The following PACS1 variants were observed in gnomAD, a reference collection of about 807,000 sequenced individuals.
The protein encoded by PACS1 is PACS-1.
PACS1 carries 24 observed loss-of-function variants against 115.0 expected under a neutral mutation model. The ratio of observed to expected loss-of-function variants is 0.21; its 90% CI spans 0.15 to 0.29. The LOEUF (loss-of-function observed/expected upper bound fraction) is 0.29. Among genes scored for constraint, PACS1 ranks in the 10% least tolerant of loss-of-function variants. The pLI, the probability that PACS1 is intolerant of heterozygous loss-of-function variation, is 1.00. For missense variants in PACS1, 838 were observed against 1,251.2 expected (o/e 0.67, Z 4.98); for synonymous variants, 453 against 504.5 (o/e 0.90, Z 1.37).
At chr11:66,241,749 G>T in intron 22 of PACS1, 96 bp downstream of exon 22, 2 of 1,012,990 alleles carry the variant, frequency 2.0e-6, no homozygotes, top group East Asian at 2.5e-5. Flanking sequence ...GGATATTTGG[G>T]ATGAAGAAGC....
chr11:66,232,583 C>T (rs565061652), intron 14 of PACS1, among the ~76,000 whole-genome samples: 77 of 152,296 alleles, frequency 5.1e-4, no homozygotes, highest in East Asian at 1.5e-3. Flanking sequence ...CATAGTGGAA[C>T]GGAGGCCTGT....
Position 66,216,702 on chromosome 11 carries a change from T to C in PACS1, c.905T>C (p.Phe302Ser). The C allele has an allele frequency of 6.2e-7, 1 of 1,613,908 alleles. No individual in the cohort carries two copies. ...SDDPLHGQDL[F>S]YEDEDLRKVK... Reference sequence around the variant, plus strand: ...GTCCCTGTACCCACTTAGGACTTGTTCTACGAAGACGAAGATCTCCGGAAA... The same window carrying C: ...GTCCCTGTACCCACTTAGGACTTGTCCTACGAAGACGAAGATCTCCGGAAA... The change falls in exon 7 of 24, where the codon TTC (phenylalanine) becomes TCC (serine). Residue 302 changes from phenylalanine (F) to serine (S), a missense_variant. Physicochemically the swap from Phe to Ser is radical, Grantham distance 155 (BLOSUM62 -2). This residue lies in a region of PACS1 where 223 missense variants were observed against 354.0 expected (regional missense o/e 0.63). Coordinates refer to ENST00000320580, the MANE Select transcript of PACS1 (RefSeq NM_018026.4).
chr11:66,167,742 TC>T (rs1363310733), intron 1 of PACS1, among the ~76,000 whole-genome samples: 2 of 150,144 alleles, frequency 1.3e-5, no homozygotes, highest in Non-Finnish European at 2.9e-5. Context: ...TTTTTGCATT[TC>T]ATAGTTTATT....
At chr11:66,214,971 G>A (rs895119397) in intron 4 of PACS1, among the ~76,000 whole-genome samples, 20 of 148,986 alleles carry the variant, frequency 1.3e-4, no homozygotes, top group Non-Finnish European at 3.0e-5. Context: ...GTTGCTCTGT[G>A]ACCCAGGCTG....
chr11:66,080,743 T>C (rs1231747045), intron 1 of PACS1, among the ~76,000 whole-genome samples: 1 of 152,202 alleles, frequency 6.6e-6, no homozygotes, highest in East Asian at 1.9e-4. Context: ...TAATATTTAA[T>C]GCCTTATTCT....
chr11:66,080,549 C>T (rs1009104607), intron 1 of PACS1, among the ~76,000 whole-genome samples: 5 of 152,086 alleles, frequency 3.3e-5, no homozygotes, highest in African/African-American at 7.2e-5. Flanking sequence ...CCAGGTGCTA[C>T]GATCCCTTTT....
At chr11:66,200,584 A>C (rs1854765881) in intron 2 of PACS1, among the ~76,000 whole-genome samples, 1 of 152,192 alleles carries the variant, frequency 6.6e-6, no homozygotes, top group African/African-American at 2.4e-5. Context: ...AAAGGGGTCA[A>C]CTCAGCAAGA....
chr11:66,215,092 C>G (rs999089092), intron 4 of PACS1, among the ~76,000 whole-genome samples: 1 of 151,998 alleles, frequency 6.6e-6, no homozygotes, highest in Non-Finnish European at 1.5e-5. Flanking sequence ...ACCACCACAC[C>G]TGGCTAATTT....
chr11:66,102,729 G>C (rs1353255521), intron 1 of PACS1, among the ~76,000 whole-genome samples: 1 of 152,136 alleles, frequency 6.6e-6, no homozygotes, highest in Non-Finnish European at 1.5e-5. Flanking sequence ...TGCCCCACTG[G>C]CTGTAGGAAA....
chr11:66,230,492 C>T (rs1590836851), intron 11 of PACS1, 56 bp from the exon 12 acceptor site: 2 of 1,226,628 alleles, frequency 1.6e-6, no homozygotes, highest in East Asian at 2.3e-5. Context: ...CAAGGAGGCT[C>T]CTGGGTGGTC....
intron 21 of PACS1, 181 bp from the exon 22 acceptor site, chr11:66,241,246 G>C (rs1304058374): frequency 2.9e-5 from 16 of 550,592 alleles, no homozygotes; most frequent in Non-Finnish European, 4.9e-5. Context: ...CCCCAGCTTT[G>C]TTCTCAGATC....
At chr11:66,189,211 C>A (rs1854460627) in intron 1 of PACS1, among the ~76,000 whole-genome samples, 1 of 152,104 alleles carries the variant, frequency 6.6e-6, no homozygotes, top group Non-Finnish European at 1.5e-5. Context: ...TTGAGTCATG[C>A]CATTGAAAAC....
intron 1 of PACS1, among the ~76,000 whole-genome samples, chr11:66,177,754 C>T (rs1422016166): frequency 3.9e-5 from 6 of 152,000 alleles, no homozygotes; most frequent in Admixed American, 3.9e-4. Flanking sequence ...GGGCCCACAG[C>T]TCTCACACCA....
At chr11:66,241,396 C>T (rs753090646) in intron 21 of PACS1, 31 bp from the exon 22 acceptor site, 47 of 1,523,488 alleles carry the variant, frequency 3.1e-5, no homozygotes, top group Non-Finnish European at 4.0e-5. Context: ...GAAGGCAGAG[C>T]TGACCTCTCC....
chr11:66,170,617 C>A (rs184111442), intron 1 of PACS1, among the ~76,000 whole-genome samples: 6 of 149,610 alleles, frequency 4.0e-5, no homozygotes, highest in Admixed American at 4.0e-4. Context: ...AAAAGTAGTT[C>A]TCATATTACT....
chr11:66,148,093 G>C (rs111979208), intron 1 of PACS1, among the ~76,000 whole-genome samples: 1 of 152,004 alleles, frequency 6.6e-6, no homozygotes, highest in African/African-American at 2.4e-5. Flanking sequence ...AGTGTAATTG[G>C]CATAATCCTT....
At chr11:66,096,209 C>CTTT (rs66569530) in intron 1 of PACS1, among the ~76,000 whole-genome samples, 181 of 119,340 alleles carry the variant, frequency 1.5e-3, no homozygotes, top group East Asian at 4.9e-3. Flanking sequence ...CTTTTTCTTT[C>CTTT]TTTTTTTTTT....
chr11:66,138,904 A>AT (rs1258882413), intron 1 of PACS1, among the ~76,000 whole-genome samples: 3 of 151,900 alleles, frequency 2.0e-5, no homozygotes, highest in Non-Finnish European at 4.4e-5. Flanking sequence ...GATGGTCTCG[A>AT]TATCTTGACC....
rs567221875 is a variant in PACS1, at chr11:66,081,958, T to C, written c.356+11116T>C. Among the ~76,000 whole-genome samples, 3 of 152,380 alleles carry C rather than the reference T, an allele frequency of 2.0e-5. No individual in the cohort carries two copies. The South Asian group carries it at 6.2e-4, about 32-fold the overall frequency. On this transcript the variant is annotated intron_variant, in intron 1 of 23. Coordinates refer to ENST00000320580, the MANE Select transcript of PACS1 (RefSeq NM_018026.4). ...CAGGAGAAACCTGATAATACATTTG[T>C]GGTCTCTCCTGAAACATGTAGATCT...
Sources: gnomAD v4.1 joint callset for allele counts (sites outside exome capture counted in the v4.1 genomes callset) on GRCh38, gnomAD v4.1.1 for gene constraint, gnomAD v4.1.1 regional missense constraint, MANE v1.5 for transcripts, NCBI Gene and HGNC (gene_info 2026-07-23, HGNC 2026-07-21) for gene names.